FFAR1: variants seen among roughly 807,000 people sequenced by gnomAD.
FFAR1 encodes free fatty acid receptor 1, also known as G-protein coupled receptor 40.
For missense variants in FFAR1, 424 were observed against 396.2 expected (o/e 1.07, Z -0.60); for synonymous variants, 216 against 201.5 (o/e 1.07, Z -0.61).
exon 1 of FFAR1, chr19:35,351,669 C>T (rs758874978): frequency 1.3e-6 from 2 of 1,556,892 alleles, no homozygotes; most frequent in South Asian, 1.2e-5. Flanking sequence ...CCGTCTCACC[C>T]CTAGCCTGGT....
At chr19:35,350,053 G>T (rs190419400), upstream of FFAR1, among the ~76,000 whole-genome samples, 19 of 152,302 alleles carry the variant, frequency 1.2e-4, no homozygotes, top group Admixed American at 5.9e-4. Context: ...GTGCCTTGGG[G>T]AGTGTCCCCC....
At chr19:35,352,032 A>C (rs1250669759) in exon 1 of FFAR1, 1 of 1,614,038 alleles carries the variant, frequency 6.2e-7, no homozygotes. Context: ...CCTGGGCATC[A>C]ACACACCGGT....
upstream of FFAR1, among the ~76,000 whole-genome samples, chr19:35,350,186 C>T (rs2040451072): frequency 6.6e-6 from 1 of 152,200 alleles, no homozygotes; most frequent in Admixed American, 6.5e-5. Flanking sequence ...GCCCCCGCCC[C>T]TTGCCTTCCT....
chr19:35,348,091 C>A (rs146391363), upstream of FFAR1, among the ~76,000 whole-genome samples: 27 of 152,344 alleles, frequency 1.8e-4, 1 homozygote, highest in East Asian at 4.2e-3. Context: ...ATTATCTGAT[C>A]ATCAGGGAGA....
chr19:35,352,342 C>G (rs2145692772), exon 1 of FFAR1: 1 of 1,552,310 alleles, frequency 6.4e-7, no homozygotes. Context: ...GGGCTCATCA[C>G]GGGTGCCTGG....
At chr19:35,353,260 T>C (rs1244610565) in exon 1 of FFAR1, 1 of 152,234 alleles carries the variant, frequency 6.6e-6, no homozygotes, top group Non-Finnish European at 1.5e-5. Flanking sequence ...GCGGGAAGAC[T>C]GCTCGAAGCC....
At chr19:35,352,782 G>A (rs2066951405) in exon 1 of FFAR1, 2 of 401,786 alleles carry the variant, frequency 5.0e-6, no homozygotes, top group South Asian at 3.1e-5. Flanking sequence ...CTTACGGGAA[G>A]GAGGAGGCAG....
upstream of FFAR1, among the ~76,000 whole-genome samples, chr19:35,349,841 GAGAC>G: frequency 6.6e-6 from 1 of 152,220 alleles, no homozygotes; most frequent in East Asian, 1.9e-4. Flanking sequence ...GGCACATTGA[GAGAC>G]AGAGACAGAA....
chr19:35,348,191 G>A (rs1362746196), upstream of FFAR1, among the ~76,000 whole-genome samples: 1 of 152,208 alleles, frequency 6.6e-6, no homozygotes, highest in Non-Finnish European at 1.5e-5. Context: ...TACCCGGACG[G>A]TAACTCTAGG....
exon 1 of FFAR1, chr19:35,352,334 G>C (rs1427437216): frequency 6.4e-7 from 1 of 1,552,254 alleles, no homozygotes; most frequent in East Asian, 2.4e-5. Context: ...GGAAGCTGGG[G>C]CTCATCACGG....
At chr19:35,353,185 T>G (rs909222374) in exon 1 of FFAR1, 1 of 152,192 alleles carries the variant, frequency 6.6e-6, no homozygotes, top group Non-Finnish European at 1.5e-5. Context: ...AACAATTGAG[T>G]AAGACATATT....
At chr19:35,351,912 T>C in exon 1 of FFAR1, 1 of 1,614,030 alleles carries the variant, frequency 6.2e-7, no homozygotes, top group Non-Finnish European at 8.5e-7. Context: ...CCGGAGGCCG[T>C]GCTATTCCTG....
At chr19:35,351,542 C>A (rs1210974416), upstream of FFAR1, 1 of 1,539,036 alleles carries the variant, frequency 6.5e-7, no homozygotes, top group African/African-American at 1.4e-5. Context: ...CAGGCCAGGA[C>A]GGCGGCCCCA....
upstream of FFAR1, among the ~76,000 whole-genome samples, chr19:35,350,381 T>C (rs28495605): frequency 0.078 from 11,822 of 152,280 alleles, 647 homozygotes; most frequent in African/African-American, 0.16. Flanking sequence ...GGAGATGGCT[T>C]CATGGCTGCA....
upstream of FFAR1, among the ~76,000 whole-genome samples, chr19:35,350,799 G>A (rs1032060029): frequency 6.6e-6 from 1 of 152,188 alleles, no homozygotes; most frequent in Non-Finnish European, 1.5e-5. Flanking sequence ...GCCCGCTGAG[G>A]GGACTGCTGA....
upstream of FFAR1, among the ~76,000 whole-genome samples, chr19:35,350,354 C>A (rs1172946229): frequency 1.3e-5 from 2 of 152,252 alleles, no homozygotes; most frequent in African/African-American, 4.8e-5. Flanking sequence ...CCTTACCCCA[C>A]ACACCCACTG....
upstream of FFAR1, among the ~76,000 whole-genome samples, chr19:35,351,004 C>G (rs1465959559): frequency 4.6e-5 from 7 of 152,152 alleles, no homozygotes; most frequent in Non-Finnish European, 7.4e-5. Flanking sequence ...TGTCCCTGGC[C>G]ACACCCTCAC....
chr19:35,348,598 C>A (rs771386853), upstream of FFAR1, among the ~76,000 whole-genome samples: 45 of 152,156 alleles, frequency 3.0e-4, no homozygotes, highest in Admixed American at 4.6e-4. Flanking sequence ...GACTCCGCCT[C>A]AAAACAACAA....
chr19:35,352,718 C>A (rs2066951239), exon 1 of FFAR1: 1 of 543,392 alleles, frequency 1.8e-6, no homozygotes, highest in Non-Finnish European at 3.3e-6. Flanking sequence ...TTTCTCTCCC[C>A]TCTGCACGTC....
Sources: gnomAD v4.1 joint callset for allele counts (sites outside exome capture counted in the v4.1 genomes callset) on GRCh38, gnomAD v4.1.1 for gene constraint, MANE v1.5 for transcripts, NCBI Gene and HGNC (gene_info 2026-07-23, HGNC 2026-07-21) for gene names.